The following CCNA1 variants were observed in gnomAD, a reference collection of about 807,000 sequenced individuals.
CCNA1 encodes the protein cyclin A1, also known as cyclin-A1.
In CCNA1, 23 loss-of-function variants were observed where a neutral mutation model predicts 54.1. The observed-to-expected ratio is 0.42, with a 90% CI of 0.31 to 0.60. CCNA1 has a LOEUF of 0.60. CCNA1 is among the 20% of genes least tolerant of loss of function. The probability of loss-of-function intolerance (pLI) is 0.14; values close to 1 mark genes in which losing one functional copy is unlikely to be tolerated. For missense variants in CCNA1, 450 were observed against 556.7 expected, an observed-to-expected ratio of 0.81 and a Z score of 1.93; for synonymous variants, 208 against 213.9, an observed-to-expected ratio of 0.97 and a Z score of 0.24.
chr13:36,435,105 C>G (rs1454998035), intron 2 of CCNA1, among the ~76,000 whole-genome samples: 1 of 152,160 alleles, frequency 6.6e-6, no homozygotes, highest in Admixed American at 6.5e-5. Flanking sequence ...GACGAATTTT[C>G]TTTGTTAGTT....
At chr13:36,435,611 C>T (rs2055793964) in intron 2 of CCNA1, among the ~76,000 whole-genome samples, 1 of 152,210 alleles carries the variant, frequency 6.6e-6, no homozygotes, top group African/African-American at 2.4e-5. Flanking sequence ...TATATATAGT[C>T]TGTACAAGTT....
At chr13:36,433,423 T>G (rs530029709) in intron 2 of CCNA1, among the ~76,000 whole-genome samples, 1,323 of 121,250 alleles carry the variant, frequency 0.011, 59 homozygotes, top group African/African-American at 0.039. Context: ...TCTTTCTTTC[T>G]TTCTTTCTTT....
At chr13:36,437,930 T>A in intron 3 of CCNA1, 55 bp downstream of exon 3, 1 of 1,585,920 alleles carries the variant, frequency 6.3e-7, no homozygotes, top group East Asian at 2.2e-5. Context: ...TATAACTGCC[T>A]GCAGCATTCA....
chr13:36,439,827 T>C lies in CCNA1; in HGVS notation c.894-152T>C. 5.0e-6 allele frequency: 3 copies of C among 603,676 alleles called. No individual in the cohort carries two copies. In the South Asian group the frequency reaches 6.1e-5, roughly 12 times the overall value. The allele number at this position is 603,676 out of a possible 1,614,324, so 37.4% of individuals were successfully genotyped here. A position where few individuals can be genotyped will look rare whatever the true frequency, so the allele number is the denominator to read the frequency against. On this transcript the variant is annotated intron_variant, in intron 5 of 8. Coordinates refer to ENST00000255465, the MANE Select transcript of CCNA1 (RefSeq NM_003914.4). The stretch of plus-strand genomic sequence containing the variant: ...TGGTCCAGAAACAAGCTCCTAGTAC[T>C]TTCATAGCCCTGAGTCATTTAGTGG...
rs557574238 is a variant in CCNA1, at chr13:36,441,058, G to T, written c.1099-60G>T. Reference sequence around the variant, plus strand: ...CCATTTATTTCCTTGCCATTTCCAGGCTTACTTGTGACCTTAGTCACATTT... The same window carrying T: ...CCATTTATTTCCTTGCCATTTCCAGTCTTACTTGTGACCTTAGTCACATTT... On this transcript the variant is annotated intron_variant, in intron 6 of 8. Coordinates refer to ENST00000255465, the MANE Select transcript of CCNA1 (RefSeq NM_003914.4). The T allele has an allele frequency of 1.2e-5, 10 of 834,750 alleles. No homozygotes were observed. The African/African-American group carries it at 1.5e-4, about 13-fold the overall frequency. The allele number at this position is 834,750 out of a possible 1,614,324, so 51.7% of individuals were successfully genotyped here.
chr13:36,442,430 T>G, intron 8 of CCNA1, 126 bp downstream of exon 8: 1 of 1,170,088 alleles, frequency 8.5e-7, no homozygotes, highest in South Asian at 1.5e-5. Context: ...TAAGGGTACG[T>G]GTACAAATTT....
chr13:36,438,495 C>T (rs568266744), intron 4 of CCNA1, 149 bp from the exon 5 acceptor site: 44 of 609,480 alleles, frequency 7.2e-5, no homozygotes, highest in Non-Finnish European at 1.1e-4. Flanking sequence ...CAGAAATTTA[C>T]ACTTTCTTCC....
rs1329836217 is a variant in CCNA1 at position 36,432,502 on chromosome 13, C to T, written c.-120C>T. ...TCCTCCAGTGCACTTGCCAGTTGTT[C>T]CGGACACATAGAAAGATAACGACGG... is the stretch of plus-strand genomic sequence containing the variant. On this transcript the variant is annotated 5_prime_UTR_variant, in exon 1 of 9. Transcript: ENST00000255465. The T allele has an allele frequency of 4.5e-6, 2 of 442,818 alleles. No individual in the cohort carries two copies. The highest frequency in any genetic ancestry group is 4.3e-5 in the African/African-American group (2 of 47,020). The allele number at this position is 442,818 out of a possible 1,614,324, so 27.4% of individuals were successfully genotyped here.
chr13:36,433,001 A>C (rs2055734815), intron 1 of CCNA1, 32 bp from the exon 2 acceptor site: 3 of 1,596,550 alleles, frequency 1.9e-6, no homozygotes, highest in Non-Finnish European at 2.6e-6. Flanking sequence ...GGAATCGACT[A>C]AACAGCTTGT....
chr13:36,433,439 T>TTCGTTCG (rs2055756148), intron 2 of CCNA1, among the ~76,000 whole-genome samples: 5 of 68,078 alleles, frequency 7.3e-5, no homozygotes, highest in African/African-American at 2.2e-4. Context: ...TCTTTCTTTC[T>TTCGTTCG]TTCGTTCTTT....
At chr13:36,442,424 G>A (rs569875692) in intron 8 of CCNA1, 120 bp downstream of exon 8, 2 of 1,204,464 alleles carry the variant, frequency 1.7e-6, no homozygotes, top group East Asian at 2.4e-5. Context: ...GAAAAGTAAG[G>A]GTACGTGTAC....
At position 36,442,806 on chromosome 13, in the gene CCNA1, C is replaced by T; in HGVS notation, c.*141C>T. ...AAAAATGTAAATGAATTTAGTTTCC[C>T]TTAGACTTTAGTAGTTTGTAATATA... On this transcript the variant is annotated 3_prime_UTR_variant, in exon 9 of 9. Transcript: ENST00000255465. 1 of 716,764 alleles carries T rather than the reference C, an allele frequency of 1.4e-6. No individual in the cohort carries two copies. Among genetic ancestry groups the T allele is most frequent in the Non-Finnish European group, 2.4e-6 (1 of 421,992 alleles). The allele number at this position is 716,764 out of a possible 1,614,324, so 44.4% of individuals were successfully genotyped here. A position where few individuals can be genotyped will look rare whatever the true frequency, so the allele number is the denominator to read the frequency against.
intron 2 of CCNA1, among the ~76,000 whole-genome samples, chr13:36,433,473 C>G (rs928565373): frequency 7.4e-6 from 1 of 135,922 alleles, no homozygotes; most frequent in Non-Finnish European, 1.6e-5. Context: ...CTTTCTCTTT[C>G]TTTCCTTCTT....
chr13:36,433,619 C>A (rs1275897760), intron 2 of CCNA1, among the ~76,000 whole-genome samples: 3 of 148,832 alleles, frequency 2.0e-5, no homozygotes, highest in Non-Finnish European at 3.0e-5. Context: ...CGGCTCACTG[C>A]AACCTCCACC....
At position 36,432,684 on chromosome 13, in the gene CCNA1, G is replaced by T; in HGVS notation, c.63G>T (p.Glu21Asp). ...CTTTTATTGGGGGCTGGGGAGAAGA[G>T]TATCTCAGCTGGGAAGGACCGGGGC... Residue 21 changes from glutamate (E) to aspartate (D), a missense_variant, in exon 1 of 9, where the codon GAG becomes GAT. Physicochemically the swap from Glu to Asp is conservative, Grantham distance 45. Coordinates refer to ENST00000255465, the MANE Select transcript of CCNA1 (RefSeq NM_003914.4). 6.2e-7 allele frequency: 1 copy of T among 1,613,232 alleles called. No homozygotes were observed. Among genetic ancestry groups the T allele is most frequent in the Non-Finnish European group, 8.5e-7 (1 of 1,179,672 alleles).
intron 1 of CCNA1, 39 bp downstream of exon 1, chr13:36,432,768 G>T (rs2055730829): frequency 7.5e-7 from 1 of 1,326,140 alleles, no homozygotes; most frequent in Non-Finnish European, 1.1e-6. Context: ...AGGCTTGTCA[G>T]AATGTTTCTC....
chr13:36,435,798 C>T, intron 2 of CCNA1, among the ~76,000 whole-genome samples: 1 of 152,160 alleles, frequency 6.6e-6, no homozygotes, highest in East Asian at 1.9e-4. Context: ...GGCATCTCCA[C>T]TTAGGTCATA....
rs753892533 is a variant in CCNA1 at position 36,438,202 on chromosome 13, C to T, written c.669+11C>T. ...CTTAGGGAAGCTGAAGTAAGTTTTC[C>T]CACCTTCTACTTCAATCTTCAGGAC... On this transcript the variant is annotated intron_variant, in intron 4 of 8. Transcript: ENST00000255465. 1 of 1,606,394 alleles carries T rather than the reference C, an allele frequency of 6.2e-7. No homozygotes were observed. Among genetic ancestry groups the T allele is most frequent in the South Asian group, 1.1e-5 (1 of 89,514 alleles).
rs758901562 is a variant in CCNA1, at chr13:36,437,613, T to C, written c.298-16T>C. On this transcript the variant is annotated splice_polypyrimidine_tract_variant and intron_variant, in intron 2 of 8. Coordinates refer to ENST00000255465, the MANE Select transcript of CCNA1 (RefSeq NM_003914.4). ...CTTTGACGTGGCCTCTAACAAAAGA[T>C]TTAAACGTTTTTTAGGGGATCACAA... The C allele has an allele frequency of 6.2e-7, 1 of 1,612,756 alleles. No individual in the cohort carries two copies. Among genetic ancestry groups the C allele is most frequent in the South Asian group, 1.1e-5 (1 of 90,868 alleles).
Sources: allele counts gnomAD v4.1 joint callset (sites outside exome capture counted in the v4.1 genomes callset), GRCh38; gene constraint gnomAD v4.1.1; transcripts MANE v1.5; gene names NCBI Gene and HGNC (gene_info 2026-07-23, HGNC 2026-07-21).